Variants in FAM53A observed in about 807,000 individuals in gnomAD.
FAM53A encodes the protein protein FAM53A.
In FAM53A, 28 loss-of-function variants were observed where a neutral mutation model predicts 26.6. That is an observed-to-expected ratio of 1.05 (90% CI 0.78 to 1.45). The LOEUF (loss-of-function observed/expected upper bound fraction) is 1.45, where lower values mean the gene tolerates loss of function less well. Ranked by LOEUF, FAM53A falls within the 40% of genes most tolerant of loss-of-function variation. The pLI is 0.00. For synonymous variants in FAM53A, 290 were observed against 253.1 expected (o/e 1.15, Z -1.38); for missense variants, 650 against 575.8 (o/e 1.13, Z -1.32).
chr4:1,651,749 G>A (rs1712805045), intron 4 of FAM53A, among the ~76,000 whole-genome samples: 2 of 151,518 alleles, frequency 1.3e-5, no homozygotes, highest in African/African-American at 4.9e-5. Context: ...CAAAGCTGGG[G>A]ACAGGGACAC....
At chr4:1,607,976 G>T in the FAM53A span, among the ~76,000 whole-genome samples, 1 of 151,824 alleles carries the variant, frequency 6.6e-6, no homozygotes, top group Non-Finnish European at 1.5e-5. Flanking sequence ...GCCGGATGTG[G>T]TAGCACGAGC....
chr4:1,667,742 G>A (rs147864706), intron 2 of FAM53A, among the ~76,000 whole-genome samples: 131 of 152,206 alleles, frequency 8.6e-4, no homozygotes, highest in African/African-American at 2.5e-3. Context: ...ACGTGCCCAC[G>A]TCTCCAGAGC....
At chr4:1,612,222 G>A in the FAM53A span, among the ~76,000 whole-genome samples, 2 of 152,172 alleles carry the variant, frequency 1.3e-5, no homozygotes, top group Non-Finnish European at 2.9e-5. Flanking sequence ...GTTTTATACT[G>A]AACCATAAAC....
the FAM53A span, among the ~76,000 whole-genome samples, chr4:1,577,528 C>G: frequency 2.8e-4 from 42 of 152,186 alleles, no homozygotes; most frequent in Non-Finnish European, 4.4e-5. Context: ...CCTCAAAGGC[C>G]TTTATGTAAA....
the FAM53A span, among the ~76,000 whole-genome samples, chr4:1,586,798 AG>A: frequency 0.012 from 1,738 of 142,584 alleles, 86 homozygotes; most frequent in African/African-American, 0.045. Context: ...AAAAAAAAAA[AG>A]AAGAAGAAGT....
intron 4 of FAM53A, among the ~76,000 whole-genome samples, chr4:1,652,631 C>T (rs963650007): frequency 6.7e-6 from 1 of 148,276 alleles, no homozygotes; most frequent in Non-Finnish European, 1.5e-5. Context: ...ACACACCAGA[C>T]ACACCCACCA....
At chr4:1,615,441 A>T, downstream of FAM53A, among the ~76,000 whole-genome samples, 1 of 117,400 alleles carries the variant, frequency 8.5e-6, no homozygotes, top group African/African-American at 3.3e-5. Context: ...ATGCGGCCAC[A>T]CCCACCCTAC....
intron 3 of FAM53A, among the ~76,000 whole-genome samples, chr4:1,656,535 G>A (rs921773285): frequency 6.6e-6 from 1 of 152,072 alleles, no homozygotes; most frequent in African/African-American, 2.4e-5. Flanking sequence ...GTGTAGGCAG[G>A]GAGAGCGGCC....
chr4:1,575,394 G>A, the FAM53A span, among the ~76,000 whole-genome samples: 134 of 152,302 alleles, frequency 8.8e-4, 3 homozygotes, highest in South Asian at 0.025. Context: ...ACTGGATGCA[G>A]ATCATCCAGT....
intron 1 of FAM53A, among the ~76,000 whole-genome samples, chr4:1,682,993 C>CT (rs1715561615): frequency 6.6e-6 from 1 of 152,164 alleles, no homozygotes; most frequent in African/African-American, 2.4e-5. Flanking sequence ...ATCAAAAGCT[C>CT]TAAGTTCACG....
At chr4:1,595,173 G>A in the FAM53A span, among the ~76,000 whole-genome samples, 16 of 152,328 alleles carry the variant, frequency 1.1e-4, no homozygotes, top group African/African-American at 2.6e-4. Flanking sequence ...GGACAGAAAC[G>A]CACAACTGGT....
At chr4:1,668,990 G>GTATA in intron 1 of FAM53A, 85 bp from the exon 2 acceptor site, 1 of 449,258 alleles carries the variant, frequency 2.2e-6, no homozygotes, top group South Asian at 4.4e-5. Context: ...GGTCCCCTCT[G>GTATA]TATAAAGTAT....
intron 1 of FAM53A, among the ~76,000 whole-genome samples, chr4:1,674,105 C>CG (rs1334701681): frequency 3.9e-5 from 6 of 152,188 alleles, no homozygotes; most frequent in Admixed American, 3.9e-4. Flanking sequence ...TTCTGGAGGC[C>CG]GGAAGTCCAA....
rs796480369 is a variant in FAM53A, at chr4:1,652,190, CGCCACACACACCACACAT to C, written c.882+2770_882+2787del. Among the ~76,000 whole-genome samples, 826 of 144,332 alleles carry C rather than the reference CGCCACACACACCACACAT, an allele frequency of 5.7e-3. 11 individuals carry two copies. Among genetic ancestry groups the C allele is most frequent in the African/African-American group, 0.02 (754 of 38,504 alleles). 94.7% of individuals were successfully genotyped at this position (144,332 alleles called of 152,430 possible). A position where few individuals can be genotyped will look rare whatever the true frequency, so the allele number is the denominator to read the frequency against. On this transcript the variant is annotated intron_variant, in intron 4 of 4. Transcript: ENST00000308132. ...CCCCACACGCCACACACACCATACA[CGCCACACACACCACACAT>C]GCCACACACACCACACACACTAGTC...
intron 1 of FAM53A, among the ~76,000 whole-genome samples, chr4:1,681,339 C>T (rs1327691379): frequency 6.6e-6 from 1 of 152,084 alleles, no homozygotes; most frequent in African/African-American, 2.4e-5. Context: ...CTCAGGTGAC[C>T]TACCCACCTT....
chr4:1,683,728 G>A (rs1715615630), intron 1 of FAM53A: 1 of 152,236 alleles, frequency 6.6e-6, no homozygotes, highest in Non-Finnish European at 1.5e-5. Context: ...GGGAAACAGG[G>A]GCTCCGCGAC....
chr4:1,664,288 T>A (rs886193264), intron 2 of FAM53A, among the ~76,000 whole-genome samples: 1 of 152,164 alleles, frequency 6.6e-6, no homozygotes, highest in African/African-American at 2.4e-5. Flanking sequence ...TATGAAATCA[T>A]GGCAGGAAGG....
rs905351334 is a variant in FAM53A, at chr4:1,640,643, C to G, written c.*650G>C. The G allele has an allele frequency of 2.8e-6, 1 of 361,496 alleles. No individual in the cohort carries two copies. Among genetic ancestry groups the G allele is most frequent in the Non-Finnish European group, 5.1e-6 (1 of 195,022 alleles). The allele number at this position is 361,496 out of a possible 1,614,324, so 22.4% of individuals were successfully genotyped here. A position where few individuals can be genotyped will look rare whatever the true frequency, so the allele number is the denominator to read the frequency against. On this transcript the variant is annotated 3_prime_UTR_variant, in exon 5 of 5. Transcript: ENST00000308132. ...CTACTCTGTGCCCCAGGGCAGGTGC[C>G]GGCAGCAGCCATGGCCCCGACCAGC...
chr4:1,670,896 G>A lies in FAM53A; in HGVS notation c.-164-1991C>T, dbSNP rs145474371. 7.4e-3 allele frequency among the ~76,000 whole-genome samples: 1,122 copies of A among 151,818 alleles called. 15 individuals carry two copies. Among genetic ancestry groups the A allele is most frequent in the African/African-American group, 0.025 (1,023 of 41,366 alleles). On this transcript the variant is annotated intron_variant, in intron 1 of 4. Transcript: ENST00000308132. ...AGCCCAGACTCACCTCTGTCCCAGC[G>A]TCAGAGCCCCCAGCTCACAGCCACA... is the stretch of plus-strand genomic sequence containing the variant.
Sources: allele counts gnomAD v4.1 joint callset (sites outside exome capture counted in the v4.1 genomes callset), GRCh38; gene constraint gnomAD v4.1.1; transcripts MANE v1.5; gene names NCBI Gene and HGNC (gene_info 2026-07-23, HGNC 2026-07-21).